RBFOX1: variants seen among roughly 807,000 people sequenced by gnomAD.
The protein encoded by RBFOX1 is RNA binding protein fox-1 homolog 1.
Under a neutral mutation model 57.7 loss-of-function variants are expected in RBFOX1, and 8 were observed. The ratio of observed to expected loss-of-function variants is 0.14; its 90% CI spans 0.08 to 0.25. RBFOX1 has a LOEUF of 0.25. Ranked by LOEUF, RBFOX1 falls within the 10% of genes least tolerant of loss-of-function variation. RBFOX1 has a pLI of 1.00. For missense variants in RBFOX1, 611 were observed against 548.5 expected (o/e 1.11, Z -1.14); for synonymous variants, 326 against 222.4 (o/e 1.47, Z -4.15).
chr16:6,019,498 A>C lies in RBFOX1; in HGVS notation c.-621A>C, dbSNP rs2095026978. 2.0e-6 allele frequency: 2 copies of C among 1,020,834 alleles called. No individual in the cohort carries two copies. The highest frequency in any genetic ancestry group is 2.3e-6 in the Non-Finnish European group (2 of 853,220). 63.2% of individuals were successfully genotyped at this position (1,020,834 alleles called of 1,614,324 possible). A position where few individuals can be genotyped will look rare whatever the true frequency, so the allele number is the denominator to read the frequency against. The stretch of plus-strand genomic sequence containing the variant: ...CCCTCCCCCTCCGCCCCAGCCCCCC[A>C]GCAGCACCCGCGGTGGGGCGGGGGC... On this transcript the variant is annotated 5_prime_UTR_variant, in exon 1 of 16. Transcript: ENST00000550418. The surrounding 1 kb of genome is among the most constrained non-coding windows in gnomAD (Gnocchi z 4.2).
At chr16:7,397,776 G>A (rs1018992626) in intron 4 of RBFOX1, among the ~76,000 whole-genome samples, 3 of 152,060 alleles carry the variant, frequency 2.0e-5, no homozygotes, top group Admixed American at 6.6e-5. Flanking sequence ...GATTTACGGT[G>A]GTATGAACAC....
chr16:6,774,432 A>G (rs2078984874), intron 3 of RBFOX1, among the ~76,000 whole-genome samples: 1 of 152,178 alleles, frequency 6.6e-6, no homozygotes, highest in Non-Finnish European at 1.5e-5. Flanking sequence ...TCTAAATAAT[A>G]GGTTCCAGAA....
chr16:6,235,321 G>T (rs2097497445), intron 1 of RBFOX1, among the ~76,000 whole-genome samples: 1 of 152,012 alleles, frequency 6.6e-6, no homozygotes, highest in African/African-American at 2.4e-5. Flanking sequence ...CACCTATTCA[G>T]CAGCATAAAA....
chr16:6,892,767 CCTGTCTCCCTCT>C (rs1803194681), intron 3 of RBFOX1, among the ~76,000 whole-genome samples: 1 of 89,136 alleles, frequency 1.1e-5, no homozygotes, highest in Non-Finnish European at 2.2e-5. Context: ...TCAAAGCCTC[CCTGTCTCCCTCT>C]CTCTCTCTCT....
At chr16:5,439,646 G>A (rs552092822) in intron 1 of RBFOX1, among the ~76,000 whole-genome samples, 1 of 152,250 alleles carries the variant, frequency 6.6e-6, no homozygotes, top group East Asian at 1.9e-4. Flanking sequence ...GTCCTTTAAT[G>A]AGATGAGAAA....
At chr16:5,315,484 C>T (rs960474011) in intron 1 of RBFOX1, among the ~76,000 whole-genome samples, 1 of 152,130 alleles carries the variant, frequency 6.6e-6, no homozygotes. Flanking sequence ...TCCCGGGGAA[C>T]GGGGTCTGCG....
intron 4 of RBFOX1, among the ~76,000 whole-genome samples, chr16:7,200,290 A>G (rs1231603166): frequency 2.0e-5 from 3 of 152,172 alleles, no homozygotes; most frequent in Admixed American, 6.5e-5. Flanking sequence ...CAGGGAGTGG[A>G]GTGGAGAAGT....
At chr16:5,845,841 G>C (rs1467517247) in intron 3 of RBFOX1, among the ~76,000 whole-genome samples, 1 of 152,128 alleles carries the variant, frequency 6.6e-6, no homozygotes, top group African/African-American at 2.4e-5. Flanking sequence ...TAAAATGGGG[G>C]ACCTCATCTA....
At chr16:5,768,649 C>G (rs1233322640) in intron 3 of RBFOX1, among the ~76,000 whole-genome samples, 1 of 152,144 alleles carries the variant, frequency 6.6e-6, no homozygotes, top group Non-Finnish European at 1.5e-5. Context: ...CTGTGCATTC[C>G]TCTTGCATCT....
intron 2 of RBFOX1, among the ~76,000 whole-genome samples, chr16:5,469,133 T>A (rs2069049757): frequency 6.6e-6 from 1 of 152,224 alleles, no homozygotes; most frequent in Non-Finnish European, 1.5e-5. Flanking sequence ...CCTCCTCTTC[T>A]GCTGCTTTGG....
chr16:7,470,115 A>G (rs1028590732), intron 4 of RBFOX1, among the ~76,000 whole-genome samples: 2 of 150,816 alleles, frequency 1.3e-5, no homozygotes, highest in Non-Finnish European at 2.9e-5. Flanking sequence ...TAGGTTGTTT[A>G]CACTTTTTGA....
intron 4 of RBFOX1, among the ~76,000 whole-genome samples, chr16:7,097,161 C>G (rs752788238): frequency 2.6e-5 from 4 of 152,062 alleles, no homozygotes; most frequent in Non-Finnish European, 4.4e-5. Context: ...TGACTTCGAG[C>G]AAGACTTTTC....
At chr16:6,886,698 T>C (rs939895599) in intron 3 of RBFOX1, among the ~76,000 whole-genome samples, 7 of 150,872 alleles carry the variant, frequency 4.6e-5, no homozygotes, top group Non-Finnish European at 8.8e-5. Context: ...GAGGTTGCAC[T>C]AAACTGAGAT....
At chr16:5,937,190 A>T (rs2059184396) in intron 4 of RBFOX1, among the ~76,000 whole-genome samples, 1 of 152,186 alleles carries the variant, frequency 6.6e-6, no homozygotes, top group African/African-American at 2.4e-5. Flanking sequence ...TCTGGTCTCC[A>T]TTGGACTATC....
At chr16:6,189,278 A>G (rs2097127054) in intron 1 of RBFOX1, among the ~76,000 whole-genome samples, 1 of 152,348 alleles carries the variant, frequency 6.6e-6, no homozygotes, top group Non-Finnish European at 1.5e-5. Flanking sequence ...AGCTTACCAA[A>G]GGACTGGAAA....
intron 2 of RBFOX1, among the ~76,000 whole-genome samples, chr16:6,466,255 TA>T (rs1398209735): frequency 6.6e-6 from 1 of 151,634 alleles, no homozygotes; most frequent in Non-Finnish European, 1.5e-5. Context: ...GATTAAGGAT[TA>T]AAAAAAATTG....
chr16:6,834,178 A>G (rs1333647318), intron 3 of RBFOX1, among the ~76,000 whole-genome samples: 1 of 151,718 alleles, frequency 6.6e-6, no homozygotes, highest in Non-Finnish European at 1.5e-5. Context: ...AGTTCAAGTG[A>G]TTGTCCTGCC....
chr16:6,847,497 C>T (rs992255888), intron 3 of RBFOX1, among the ~76,000 whole-genome samples: 5 of 151,998 alleles, frequency 3.3e-5, no homozygotes, highest in African/African-American at 1.2e-4. Flanking sequence ...ACCACTGTGG[C>T]CCACGTTTTA....
chr16:5,298,421 A>G (rs936051119), intron 1 of RBFOX1, among the ~76,000 whole-genome samples: 2 of 143,070 alleles, frequency 1.4e-5, no homozygotes, highest in African/African-American at 5.3e-5. Context: ...CAAAATAAAC[A>G]TCTCTCTCCC....
Sources: gnomAD v4.1 joint callset for allele counts (sites outside exome capture counted in the v4.1 genomes callset) on GRCh38, gnomAD v4.1.1 for gene constraint, Gnocchi (gnomAD v3.1) non-coding constraint, MANE v1.5 for transcripts, NCBI Gene and HGNC (gene_info 2026-07-23, HGNC 2026-07-21) for gene names.